ASAP2: variants seen among roughly 807,000 people sequenced by gnomAD.
The protein encoded by ASAP2 is ArfGAP with SH3 domain, ankyrin repeat and PH domain 2.
In ASAP2, 45 loss-of-function variants were observed where a neutral mutation model predicts 131.4. The observed-to-expected ratio is 0.34, with a 90% CI of 0.27 to 0.44. The LOEUF (loss-of-function observed/expected upper bound fraction) is 0.44. ASAP2 is among the 20% of genes least tolerant of loss of function. ASAP2 has a pLI of 1.00. For synonymous variants in ASAP2, 510 were observed against 503.0 expected (o/e 1.01, Z -0.19); for missense variants, 1,011 against 1,297.0 (o/e 0.78, Z 3.39).
intron 2 of ASAP2, among the ~76,000 whole-genome samples, chr2:9,287,153 G>C (rs1315404894): frequency 1.3e-5 from 2 of 152,242 alleles, no homozygotes; most frequent in African/African-American, 4.8e-5. Context: ...GCGGCATGCT[G>C]CCTGGTGCTG....
intron 1 of ASAP2, among the ~76,000 whole-genome samples, chr2:9,234,490 G>A (rs1663400955): frequency 6.6e-6 from 1 of 152,128 alleles, no homozygotes; most frequent in African/African-American, 2.4e-5. Context: ...AATAGGAGGA[G>A]CTCAGAAGCA....
At chr2:9,333,836 C>T (rs773220652) in intron 7 of ASAP2, among the ~76,000 whole-genome samples, 29 of 152,152 alleles carry the variant, frequency 1.9e-4, no homozygotes, top group Non-Finnish European at 3.7e-4. Context: ...CTTGTCCAGC[C>T]TCTGTTGTAT....
chr2:9,380,867 C>G, intron 20 of ASAP2, 59 bp downstream of exon 20: 1 of 1,553,390 alleles, frequency 6.4e-7, no homozygotes, highest in South Asian at 1.1e-5. Context: ...GGAGCCAAGC[C>G]TGTCCTCCTT....
chr2:9,400,473 C>T (rs1171210456), intron 25 of ASAP2, among the ~76,000 whole-genome samples: 3 of 148,944 alleles, frequency 2.0e-5, no homozygotes, highest in East Asian at 2.0e-4. Flanking sequence ...CCTCCTCCCT[C>T]GGCCTCTGAG....
chr2:9,370,085 A>T (rs7589919), intron 16 of ASAP2, among the ~76,000 whole-genome samples: 1 of 151,898 alleles, frequency 6.6e-6, no homozygotes, highest in Admixed American at 6.6e-5. Context: ...TGATCTGCCC[A>T]CCTTGGCCTC....
chr2:9,252,172 G>C (rs1409336903), intron 1 of ASAP2, among the ~76,000 whole-genome samples: 3 of 152,238 alleles, frequency 2.0e-5, no homozygotes, highest in African/African-American at 4.8e-5. Context: ...AGGCGTGCCT[G>C]ACACCAGCTG....
chr2:9,262,870 C>T (rs1408908230), intron 1 of ASAP2, among the ~76,000 whole-genome samples: 1 of 152,224 alleles, frequency 6.6e-6, no homozygotes, highest in East Asian at 1.9e-4. Context: ...GTCTCTTTCA[C>T]GCGGGGTTCA....
rs2148852493 is a variant in ASAP2 at position 9,405,629 on chromosome 2, C to A, written c.*2302C>A. 1 of 152,646 alleles carries A rather than the reference C, an allele frequency of 6.6e-6. No homozygotes were observed. Among genetic ancestry groups the A allele is most frequent in the South Asian group, 2.1e-4 (1 of 4,822 alleles). 9.5% of individuals were successfully genotyped at this position (152,646 alleles called of 1,614,324 possible). On this transcript the variant is annotated 3_prime_UTR_variant, in exon 28 of 28. Coordinates refer to ENST00000281419, the MANE Select transcript of ASAP2 (RefSeq NM_003887.3). ...GAGCATGTTTAATAAGTTTACTCTT[C>A]TTGTTAACTAGTCATTTGACTGGAA...
chr2:9,309,488 G>A (rs909265155), intron 3 of ASAP2, among the ~76,000 whole-genome samples: 3 of 152,228 alleles, frequency 2.0e-5, no homozygotes, highest in African/African-American at 4.8e-5. Flanking sequence ...TTGGGGGTAA[G>A]GAGCTGGGGT....
intron 1 of ASAP2, chr2:9,271,647 CT>C (rs1376281315): frequency 2.9e-5 from 26 of 882,482 alleles, no homozygotes; most frequent in Non-Finnish European, 4.0e-5. Flanking sequence ...ATTTCTTTTT[CT>C]CGGTGGAAAT....
At chr2:9,377,406 G>T (rs1674492150) in intron 18 of ASAP2, among the ~76,000 whole-genome samples, 1 of 152,244 alleles carries the variant, frequency 6.6e-6, no homozygotes, top group African/African-American at 2.4e-5. Context: ...CATGGTCTGA[G>T]CCAGAGATTA....
intron 3 of ASAP2, among the ~76,000 whole-genome samples, chr2:9,303,419 C>T (rs535065066): frequency 6.2e-4 from 94 of 152,284 alleles, no homozygotes; most frequent in African/African-American, 2.2e-3. Flanking sequence ...ATGCTGCGAG[C>T]TGAAGAGCAA....
intron 2 of ASAP2, among the ~76,000 whole-genome samples, chr2:9,293,408 A>T (rs1026220404): frequency 6.6e-6 from 1 of 152,204 alleles, no homozygotes; most frequent in Non-Finnish European, 1.5e-5. Context: ...AGAGTTTAAG[A>T]TACATTTGAA....
At position 9,281,609 on chromosome 2, in the gene ASAP2, C is replaced by T. The variant is rs1012878755; in HGVS notation, c.199+2220C>T. ...CTCTATAGCATTTTTTCATCACCCT[C>T]TTTGAAGTTCGTGGAAGTCAGTTCC... On this transcript the variant is annotated intron_variant, in intron 2 of 27. Coordinates refer to ENST00000281419, the MANE Select transcript of ASAP2 (RefSeq NM_003887.3). This position sits in a 1 kb window ranked among gnomAD's most constrained non-coding sequence, Gnocchi z 4.0. Among the ~76,000 whole-genome samples, 4 of 152,194 alleles carry T rather than the reference C, an allele frequency of 2.6e-5. No homozygotes were observed. The highest frequency in any genetic ancestry group is 1.3e-4 in the Admixed American group (2 of 15,280).
At chr2:9,379,092 G>A (rs371812775) in intron 19 of ASAP2, 33 bp downstream of exon 19, 23 of 1,437,440 alleles carry the variant, frequency 1.6e-5, no homozygotes, top group Admixed American at 2.3e-5. Flanking sequence ...GGTGGGCTCA[G>A]CTGCACCCTG....
At chr2:9,363,545 G>A (rs1351888595) in intron 15 of ASAP2, among the ~76,000 whole-genome samples, 11 of 152,236 alleles carry the variant, frequency 7.2e-5, no homozygotes, top group African/African-American at 2.6e-4. Flanking sequence ...TTAATGCTGT[G>A]TACTTTTTCA....
rs776797223 is a variant in ASAP2, at chr2:9,344,609, C to T, written c.927C>T (p.Asn309=). Residue 309 remains asparagine, a synonymous_variant, in exon 10 of 28, where the codon AAC becomes AAT. Coordinates refer to ENST00000281419, the MANE Select transcript of ASAP2 (RefSeq NM_003887.3). ...ACAAGGAACATGGGACCGAGCGGAA[C>T]GGCAGCCTCTACAAGAAGAGTGACG... is the stretch of plus-strand genomic sequence containing the variant. ...QGNKEHGTER[N]GSLYKKSDGI... is the part of the protein sequence containing the mutation. The T allele has an allele frequency of 6.8e-6, 11 of 1,614,130 alleles. No homozygotes were observed. The highest frequency in any genetic ancestry group is 6.7e-5 in the East Asian group (3 of 44,880).
chr2:9,243,782 A>G lies in ASAP2; in HGVS notation c.127-35535A>G, dbSNP rs534674741. On this transcript the variant is annotated intron_variant, in intron 1 of 27. Coordinates refer to ENST00000281419, the MANE Select transcript of ASAP2 (RefSeq NM_003887.3). ...TAGCACTTTGCTTATTTACTATGCT[A>G]GTTGCTGAGGATTCTAAATATGGGC... Among the ~76,000 whole-genome samples the G allele has an allele frequency of 3.3e-5, 5 of 152,266 alleles. No individual in the cohort carries two copies. In the East Asian group the frequency reaches 7.7e-4, roughly 24 times the overall value.
chr2:9,400,234 T>TC (rs1676525989), intron 25 of ASAP2, among the ~76,000 whole-genome samples, 162 bp downstream of exon 25: 1 of 18,778 alleles, frequency 5.3e-5, no homozygotes, highest in Middle Eastern at 0.062. Flanking sequence ...TCCTGCCCCC[T>TC]CCCCTCCTGC....
Sources: allele counts gnomAD v4.1 joint callset (sites outside exome capture counted in the v4.1 genomes callset), GRCh38; gene constraint gnomAD v4.1.1; non-coding constraint Gnocchi (gnomAD v3.1); transcripts MANE v1.5; gene names NCBI Gene and HGNC (gene_info 2026-07-23, HGNC 2026-07-21).